The following WDPCP variants were observed in gnomAD, a reference collection of about 807,000 sequenced individuals.
WDPCP encodes the protein WD repeat-containing and planar cell polarity effector protein fritz homolog.
Under a neutral mutation model 93.1 loss-of-function variants are expected in WDPCP, and 71 were observed. The observed-to-expected ratio is 0.76, with a 90% CI of 0.63 to 0.93. The LOEUF (loss-of-function observed/expected upper bound fraction) is 0.93. Among genes scored for constraint, WDPCP ranks in the 40% least tolerant of loss-of-function variants. The probability of loss-of-function intolerance (pLI) is 0.00; values close to 1 mark genes in which losing one functional copy is unlikely to be tolerated. For synonymous variants in WDPCP, 315 were observed against 315.0 expected, an observed-to-expected ratio of 1.00 and a Z score of 0.00; for missense variants, 844 against 887.4, an observed-to-expected ratio of 0.95 and a Z score of 0.62.
At chr2:63,426,975 G>A (rs13013890) in intron 9 of WDPCP, among the ~76,000 whole-genome samples, 13,456 of 152,204 alleles carry the variant, frequency 0.088, 793 homozygotes, top group South Asian at 0.16. Flanking sequence ...AACAATAGTC[G>A]AGAAGGACAA....
chr2:63,724,831 C>T (rs1039561791), intron 2 of WDPCP, among the ~76,000 whole-genome samples: 1 of 152,138 alleles, frequency 6.6e-6, no homozygotes, highest in African/African-American at 2.4e-5. Context: ...CCTGAAAAGC[C>T]CACCTCTGCC....
At chr2:63,457,200 T>G (rs372745659) in intron 6 of WDPCP, among the ~76,000 whole-genome samples, 2 of 151,886 alleles carry the variant, frequency 1.3e-5, no homozygotes, top group South Asian at 4.2e-4. Flanking sequence ...AGAGGTACAA[T>G]TATATGCTAA....
chr2:63,399,038 T>C (rs3754539), intron 10 of WDPCP, among the ~76,000 whole-genome samples: 60,497 of 152,004 alleles, frequency 0.4, 13,446 homozygotes, highest in East Asian at 0.66. Context: ...AAAAATACTT[T>C]GTAATAAATA....
At chr2:63,123,474 A>C (rs1014947523) in intron 17 of WDPCP, among the ~76,000 whole-genome samples, 1 of 152,118 alleles carries the variant, frequency 6.6e-6, no homozygotes, top group Non-Finnish European at 1.5e-5. Flanking sequence ...ACATTTTAAA[A>C]AGTAAGAATC....
Position 63,223,190 on chromosome 2 carries a change from A to G in WDPCP, c.1915+36117T>C, listed in dbSNP as rs148225419. The stretch of plus-strand genomic sequence containing the variant: ...TGACGAAACAACTCACCTGCTATCA[A>G]ATATGATTATGAATTCTATTCATAC... On this transcript the variant is annotated intron_variant, in intron 14 of 17. Transcript: ENST00000272321. 4.6e-5 allele frequency among the ~76,000 whole-genome samples: 7 copies of G among 152,274 alleles called. No homozygotes were observed. In the East Asian group the frequency reaches 1.4e-3, roughly 29 times the overall value.
upstream of WDPCP, among the ~76,000 whole-genome samples, chr2:63,830,679 C>T (rs11902838): frequency 0.03 from 4,624 of 152,176 alleles, 244 homozygotes; most frequent in African/African-American, 0.11. Flanking sequence ...TCATAACTGG[C>T]CATATCTGAT....
chr2:63,417,340 C>T (rs1307790653), intron 9 of WDPCP, among the ~76,000 whole-genome samples: 1 of 152,012 alleles, frequency 6.6e-6, no homozygotes, highest in Non-Finnish European at 1.5e-5. Flanking sequence ...AAATTTAACC[C>T]TGTAGTTGGC....
At chr2:63,641,491 G>T (rs1208304538) in intron 3 of WDPCP, among the ~76,000 whole-genome samples, 2 of 151,946 alleles carry the variant, frequency 1.3e-5, no homozygotes, top group Admixed American at 1.3e-4. Flanking sequence ...ATTTTAACTG[G>T]GGTGAGATGA....
At chr2:63,168,546 T>C (rs1463636029) in intron 15 of WDPCP, 1 of 152,206 alleles carries the variant, frequency 6.6e-6, no homozygotes, top group Non-Finnish European at 1.5e-5. Context: ...TTCAACTCTT[T>C]TACTAATATT....
chr2:63,791,161 C>A (rs968657287), intron 2 of WDPCP, among the ~76,000 whole-genome samples: 1 of 152,194 alleles, frequency 6.6e-6, no homozygotes, highest in Admixed American at 6.5e-5. Context: ...TATCATTTAG[C>A]CCCACATATA....
At chr2:63,458,887 G>A (rs1355124127) in intron 6 of WDPCP, among the ~76,000 whole-genome samples, 1 of 152,098 alleles carries the variant, frequency 6.6e-6, no homozygotes, top group Admixed American at 6.6e-5. Flanking sequence ...CAGACACATA[G>A]ATCAATGGAA....
At chr2:63,718,120 G>A (rs1239333530) in intron 2 of WDPCP, among the ~76,000 whole-genome samples, 1 of 151,756 alleles carries the variant, frequency 6.6e-6, no homozygotes, top group African/African-American at 2.4e-5. Context: ...TGATATATAT[G>A]ATATATATAT....
At chr2:63,226,933 T>A (rs751905408) in intron 14 of WDPCP, among the ~76,000 whole-genome samples, 7 of 151,940 alleles carry the variant, frequency 4.6e-5, no homozygotes, top group Non-Finnish European at 8.8e-5. Context: ...AAAGTGTTTA[T>A]GGAACTTAAC....
chr2:63,581,337 CCA>C lies in WDPCP; in HGVS notation c.75+6858_75+6859del, dbSNP rs567280357. 1.6e-4 allele frequency among the ~76,000 whole-genome samples: 24 copies of C among 152,260 alleles called. No individual in the cohort carries two copies. The East Asian group carries it at 3.7e-3, about 23-fold the overall frequency. On this transcript the variant is annotated intron_variant, in intron 1 of 17. Transcript: ENST00000272321. ...GAGGGAGAATCATACAGAGAGAACT[CCA>C]GAGAATTTCAGAGGGTTCCGCTTGA... is the stretch of plus-strand genomic sequence containing the variant.
intron 2 of WDPCP, among the ~76,000 whole-genome samples, chr2:63,683,359 A>C (rs900201968): frequency 6.6e-6 from 1 of 152,238 alleles, no homozygotes; most frequent in Non-Finnish European, 1.5e-5. Context: ...AACACATTTC[A>C]TCTATAAAGA....
In WDPCP at chr2:63,495,412, C is replaced by T. The variant is rs116166066; in HGVS notation, c.76-2472G>A. Among the ~76,000 whole-genome samples, 200 of 152,236 alleles carry T rather than the reference C, an allele frequency of 1.3e-3. 1 individual carries two copies. Among genetic ancestry groups the T allele is most frequent in the Non-Finnish European group, 1.6e-3 (110 of 67,996 alleles). ...TTTATGAGGCTTATTTTAGAATTGT[C>T]ATCTTACAGTTAAGTTTTTTTCTTA... On this transcript the variant is annotated intron_variant, in intron 1 of 17. Transcript: ENST00000272321.
intron 10 of WDPCP, among the ~76,000 whole-genome samples, chr2:63,403,430 A>C (rs77041355): frequency 7.1e-6 from 1 of 140,858 alleles, no homozygotes; most frequent in Non-Finnish European, 1.6e-5. Flanking sequence ...CATAAAAGTT[A>C]AAAAAAATTC....
At chr2:63,457,250 T>G (rs550859646) in intron 6 of WDPCP, among the ~76,000 whole-genome samples, 9 of 152,074 alleles carry the variant, frequency 5.9e-5, no homozygotes, top group Non-Finnish European at 1.3e-4. Flanking sequence ...AATTGCTGAA[T>G]GCATACAACC....
In WDPCP at chr2:63,186,799, G is replaced by T. The variant is rs868507194; in HGVS notation, c.1916-11967C>A. 3.0e-3 allele frequency among the ~76,000 whole-genome samples: 437 copies of T among 147,934 alleles called. 4 individuals carry two copies. The highest frequency in any genetic ancestry group is 0.01 in the African/African-American group (406 of 40,342). Reference sequence around the variant, plus strand: ...GCACTATATGACTGTGCACTGTTTTGTGTGTGTGTGTGTTTTTTTTTTTTT... The same window carrying T: ...GCACTATATGACTGTGCACTGTTTTTTGTGTGTGTGTGTTTTTTTTTTTTT... On this transcript the variant is annotated intron_variant, in intron 14 of 17. Transcript: ENST00000272321.
Sources: allele counts gnomAD v4.1 joint callset (sites outside exome capture counted in the v4.1 genomes callset), GRCh38; gene constraint gnomAD v4.1.1; transcripts MANE v1.5; gene names NCBI Gene and HGNC (gene_info 2026-07-23, HGNC 2026-07-21).